Variants in DCC observed in about 807,000 individuals in gnomAD.
DCC encodes the protein netrin receptor DCC.
DCC carries 58 observed loss-of-function variants against 172.5 expected under a neutral mutation model. The observed-to-expected ratio is 0.34, with a 90% CI of 0.27 to 0.42. The LOEUF (loss-of-function observed/expected upper bound fraction) is 0.42, where lower values mean the gene tolerates loss of function less well. Among genes scored for constraint, DCC ranks in the 10% least tolerant of loss-of-function variants. The pLI, the probability that DCC is intolerant of heterozygous loss-of-function variation, is 1.00. For synonymous variants in DCC, 709 were observed against 644.5 expected (o/e 1.10, Z -1.52); for missense variants, 1,740 against 1,791.0 (o/e 0.97, Z 0.51).
intron 12 of DCC, among the ~76,000 whole-genome samples, chr18:53,257,419 T>G (rs1030880211): frequency 5.3e-5 from 8 of 152,210 alleles, no homozygotes; most frequent in Admixed American, 2.0e-4. Context: ...ATTTTTAGCA[T>G]GAAAGTTGTT....
chr18:52,772,891 C>T (rs1412385380), intron 2 of DCC, among the ~76,000 whole-genome samples: 1 of 152,130 alleles, frequency 6.6e-6, no homozygotes, highest in Non-Finnish European at 1.5e-5. Flanking sequence ...AGACTTCCTG[C>T]TTAAATATAT....
At chr18:52,430,437 G>A (rs1987583862) in intron 1 of DCC, among the ~76,000 whole-genome samples, 1 of 152,090 alleles carries the variant, frequency 6.6e-6, no homozygotes, top group Admixed American at 6.6e-5. Flanking sequence ...TAGGGATAAG[G>A]AAGAGTCAAG....
intron 1 of DCC, among the ~76,000 whole-genome samples, chr18:52,734,029 A>T (rs2036687484): frequency 1.3e-5 from 2 of 152,198 alleles, no homozygotes; most frequent in Non-Finnish European, 2.9e-5. Flanking sequence ...TATATTTCAA[A>T]CTAAAGTGTA....
intron 1 of DCC, among the ~76,000 whole-genome samples, chr18:52,690,809 T>C (rs988662102): frequency 6.6e-6 from 1 of 152,120 alleles, no homozygotes; most frequent in African/African-American, 2.4e-5. Context: ...ATCAATTCTG[T>C]AGAAATTTTG....
At chr18:52,842,707 C>T (rs959154508) in intron 2 of DCC, among the ~76,000 whole-genome samples, 1 of 152,174 alleles carries the variant, frequency 6.6e-6, no homozygotes, top group Admixed American at 6.5e-5. Flanking sequence ...TGTGTTCTAA[C>T]AAGCCCTCCA....
intron 1 of DCC, among the ~76,000 whole-genome samples, chr18:52,444,669 G>T (rs1049833835): frequency 2.0e-5 from 3 of 152,154 alleles, no homozygotes; most frequent in African/African-American, 7.2e-5. Flanking sequence ...GCCTAGAGTA[G>T]TATTAAACCA....
At chr18:53,319,411 G>A (rs2057381715) in intron 13 of DCC, among the ~76,000 whole-genome samples, 1 of 152,074 alleles carries the variant, frequency 6.6e-6, no homozygotes, top group Non-Finnish European at 1.5e-5. Flanking sequence ...TAAAGGGCTG[G>A]AGGAATATTT....
intron 5 of DCC, among the ~76,000 whole-genome samples, chr18:52,977,525 G>A (rs926685087): frequency 6.6e-6 from 1 of 152,122 alleles, no homozygotes; most frequent in Non-Finnish European, 1.5e-5. Context: ...TCTAGAATAA[G>A]TTGGAAAAGT....
At chr18:53,100,864 G>C (rs903488539) in intron 7 of DCC, among the ~76,000 whole-genome samples, 3 of 152,042 alleles carry the variant, frequency 2.0e-5, no homozygotes, top group Non-Finnish European at 2.9e-5. Flanking sequence ...TTTTAAGATA[G>C]AGAGAGGGCT....
intron 1 of DCC, among the ~76,000 whole-genome samples, chr18:52,403,644 G>A (rs1986524732): frequency 6.6e-6 from 1 of 151,996 alleles, no homozygotes; most frequent in African/African-American, 2.4e-5. Flanking sequence ...AAATGAAAAT[G>A]AAAATTATTC....
At chr18:52,345,778 C>A (rs1447393864) in intron 1 of DCC, among the ~76,000 whole-genome samples, 2 of 151,960 alleles carry the variant, frequency 1.3e-5, no homozygotes, top group Non-Finnish European at 2.9e-5. Flanking sequence ...TTCATGCATG[C>A]TGCTTTTGGT....
chr18:52,526,533 T>A (rs1360665249), intron 1 of DCC, among the ~76,000 whole-genome samples: 2 of 151,986 alleles, frequency 1.3e-5, no homozygotes, highest in Non-Finnish European at 2.9e-5. Context: ...AACCAATAGA[T>A]TTAAGGCCAG....
intron 15 of DCC, among the ~76,000 whole-genome samples, chr18:53,374,225 T>C (rs2058087740): frequency 6.6e-6 from 1 of 152,220 alleles, no homozygotes; most frequent in African/African-American, 2.4e-5. Flanking sequence ...AACAGCCACA[T>C]GTGGCCAGTG....
chr18:53,130,906 A>C (rs1407241188), intron 7 of DCC, among the ~76,000 whole-genome samples: 1 of 152,004 alleles, frequency 6.6e-6, no homozygotes, highest in African/African-American at 2.4e-5. Flanking sequence ...CCAAGTTTTA[A>C]TTGTACACGG....
intron 5 of DCC, among the ~76,000 whole-genome samples, chr18:52,935,907 C>G (rs1157728396): frequency 6.6e-6 from 1 of 152,094 alleles, no homozygotes; most frequent in African/African-American, 2.4e-5. Flanking sequence ...TTAAATTTTA[C>G]ATATATCTGT....
intron 12 of DCC, chr18:53,237,249 GC>G: frequency 6.5e-6 from 1 of 154,174 alleles, no homozygotes; most frequent in South Asian, 2.0e-4. Flanking sequence ...AGAACATTAT[GC>G]TAAATATGTG....
At chr18:52,394,009 C>T (rs1338476427) in intron 1 of DCC, among the ~76,000 whole-genome samples, 1 of 152,004 alleles carries the variant, frequency 6.6e-6, no homozygotes, top group South Asian at 2.1e-4. Flanking sequence ...CACACAGTAC[C>T]CTACCTACTG....
chr18:52,590,387 G>A (rs965174639), intron 1 of DCC, among the ~76,000 whole-genome samples: 22 of 152,054 alleles, frequency 1.4e-4, no homozygotes, highest in African/African-American at 3.9e-4. Context: ...TATACGCTCA[G>A]CCAAAAGATA....
At chr18:52,897,557 A>G (rs997094574) in intron 2 of DCC, among the ~76,000 whole-genome samples, 1 of 152,238 alleles carries the variant, frequency 6.6e-6, no homozygotes, top group Non-Finnish European at 1.5e-5. Context: ...ATCCACAGGA[A>G]TGTAGAAATA....
Sources: gnomAD v4.1 joint callset for allele counts (sites outside exome capture counted in the v4.1 genomes callset) on GRCh38, gnomAD v4.1.1 for gene constraint, MANE v1.5 for transcripts, NCBI Gene and HGNC (gene_info 2026-07-23, HGNC 2026-07-21) for gene names.